PCDHGA11: variants seen among roughly 807,000 people sequenced by gnomAD.
PCDHGA11 encodes protocadherin gamma subfamily A, 11, also known as protocadherin gamma-A11.
A neutral mutation model predicts 60.4 loss-of-function variants in PCDHGA11; 39 were observed. That is an observed-to-expected ratio of 0.65 (90% CI 0.50 to 0.84). The LOEUF (loss-of-function observed/expected upper bound fraction) is 0.84. Ranked by LOEUF, PCDHGA11 falls within the 40% of genes least tolerant of loss-of-function variation. The pLI is 0.00. For synonymous variants in PCDHGA11, 533 were observed against 510.3 expected (o/e 1.04, Z -0.60); for missense variants, 1,165 against 1,197.7 (o/e 0.97, Z 0.40).
intron 1 of PCDHGA11, among the ~76,000 whole-genome samples, chr5:141,481,063 C>T (rs2154578481): frequency 6.6e-6 from 1 of 151,952 alleles, no homozygotes; most frequent in Middle Eastern, 3.4e-3. Context: ...ACCTCAAAAA[C>T]AAAAAGAAAG....
chr5:141,426,363 C>T (rs994657779), intron 1 of PCDHGA11: 12 of 202,404 alleles, frequency 5.9e-5, no homozygotes, highest in East Asian at 4.4e-4. Context: ...CTTTGTTCTG[C>T]GGGGCACCCT....
At chr5:141,433,560 G>A (rs1276743163) in intron 1 of PCDHGA11, among the ~76,000 whole-genome samples, 1 of 152,110 alleles carries the variant, frequency 6.6e-6, no homozygotes, top group East Asian at 1.9e-4. Flanking sequence ...TTCTGGCTGG[G>A]CGCGGTGGCT....
rs1191643556 is a variant in PCDHGA11, at chr5:141,486,302, C to T, written c.2434-8505C>T. The T allele has an allele frequency of 2.5e-6, 4 of 1,613,918 alleles. No individual in the cohort carries two copies. The highest frequency in any genetic ancestry group is 3.4e-6 in the Non-Finnish European group (4 of 1,180,002). Reference sequence around the variant, plus strand: ...GGTGGCACTTATCAGTGTGCAGGATCCAGACTCAGGGTCAAACGGAGATGT... The same window carrying T: ...GGTGGCACTTATCAGTGTGCAGGATTCAGACTCAGGGTCAAACGGAGATGT... On this transcript the variant is annotated intron_variant, in intron 1 of 3. Coordinates refer to ENST00000398587, the MANE Select transcript of PCDHGA11 (RefSeq NM_018914.3). This position sits in a 1 kb window ranked among gnomAD's most constrained non-coding sequence, Gnocchi z 5.0.
intron 1 of PCDHGA11, among the ~76,000 whole-genome samples, chr5:141,471,107 G>T (rs1023848236): frequency 1.3e-5 from 2 of 148,554 alleles, no homozygotes; most frequent in East Asian, 2.0e-4. Context: ...AGAGTGCAGT[G>T]GTGCGATCTT....
At chr5:141,455,558 G>A (rs1261373189) in intron 1 of PCDHGA11, among the ~76,000 whole-genome samples, 1 of 152,142 alleles carries the variant, frequency 6.6e-6, no homozygotes, top group East Asian at 1.9e-4. Flanking sequence ...CCGAGAAAAA[G>A]CTGGCCCTCC....
At chr5:141,441,920 A>G (rs1276085080) in intron 1 of PCDHGA11, 8 of 352,988 alleles carry the variant, frequency 2.3e-5, no homozygotes, top group East Asian at 8.9e-5. Context: ...GTGAGACACA[A>G]TGCGTGGCTG....
At chr5:141,484,801 A>G (rs1285617622) in intron 1 of PCDHGA11, among the ~76,000 whole-genome samples, 3 of 152,024 alleles carry the variant, frequency 2.0e-5, no homozygotes, top group African/African-American at 7.2e-5. Flanking sequence ...CAACCCGTGG[A>G]AAAACATGCC....
intron 1 of PCDHGA11, chr5:141,475,845 G>C: frequency 4.5e-6 from 2 of 448,002 alleles, no homozygotes; most frequent in Non-Finnish European, 7.9e-6. Context: ...TGCTCAGAGA[G>C]CCCGGCGCTA....
Position 141,422,952 on chromosome 5 carries a change from C to T in PCDHGA11, c.1725C>T (p.Gly575=), listed in dbSNP as rs759618535. 11 of 1,614,254 alleles carry T rather than the reference C, an allele frequency of 6.8e-6. No homozygotes were observed. The East Asian group carries it at 2.0e-4, about 29-fold the overall frequency. Residue 575 remains glycine, a synonymous_variant, in exon 1 of 4, where the codon GGC becomes GGT. Coordinates refer to ENST00000398587, the MANE Select transcript of PCDHGA11 (RefSeq NM_018914.3). ...YPALPTDGST[G]VELAPRSAEP... is the part of the protein sequence containing the mutation. ...CCCTCCCCACAGACGGCTCCACTGG[C>T]GTGGAGCTGGCGCCCCGCTCTGCGG...
Position 141,511,285 on chromosome 5 carries a change from G to C in PCDHGA11, c.*112G>C. On this transcript the variant is annotated 3_prime_UTR_variant, in exon 4 of 4. Coordinates refer to ENST00000398587, the MANE Select transcript of PCDHGA11 (RefSeq NM_018914.3). Reference sequence around the variant, plus strand: ...GGGCTAACCCCCAGAATACTGGTAGGGGCCAAGGCCATGCTCCCCTTGGGA... The same window carrying C: ...GGGCTAACCCCCAGAATACTGGTAGCGGCCAAGGCCATGCTCCCCTTGGGA... 1 of 1,521,904 alleles carries C rather than the reference G, an allele frequency of 6.6e-7. No homozygotes were observed. The highest frequency in any genetic ancestry group is 8.8e-7 in the Non-Finnish European group (1 of 1,131,664). 94.3% of individuals were successfully genotyped at this position (1,521,904 alleles called of 1,614,324 possible).
intron 1 of PCDHGA11, among the ~76,000 whole-genome samples, chr5:141,462,269 T>C (rs2099036247): frequency 6.6e-6 from 1 of 152,230 alleles, no homozygotes; most frequent in Admixed American, 6.5e-5. Context: ...CTAAAGTGTA[T>C]TGTTTAGTCA....
chr5:141,456,554 G>A (rs1003323522), intron 1 of PCDHGA11, among the ~76,000 whole-genome samples: 2 of 152,202 alleles, frequency 1.3e-5, no homozygotes, highest in Non-Finnish European at 2.9e-5. Flanking sequence ...GCCACTCGGG[G>A]CTGAAGCCCA....
rs1375469711 is a variant in PCDHGA11, at chr5:141,512,102, C to A, written c.*929C>A. On this transcript the variant is annotated 3_prime_UTR_variant, in exon 4 of 4. Coordinates refer to ENST00000398587, the MANE Select transcript of PCDHGA11 (RefSeq NM_018914.3). ...GCCATAAACCAATAACTAGGCTGGA[C>A]CCTTCCCACTACATAATAGGGCTCA... The A allele has an allele frequency of 6.5e-6, 1 of 152,688 alleles. No individual in the cohort carries two copies. Among genetic ancestry groups the A allele is most frequent in the Non-Finnish European group, 1.5e-5 (1 of 68,070 alleles). The allele number at this position is 152,688 out of a possible 1,614,324, so 9.5% of individuals were successfully genotyped here. A position where few individuals can be genotyped will look rare whatever the true frequency, so the allele number is the denominator to read the frequency against.
At chr5:141,456,404 G>A (rs935040352) in intron 1 of PCDHGA11, among the ~76,000 whole-genome samples, 4 of 152,104 alleles carry the variant, frequency 2.6e-5, no homozygotes, top group Non-Finnish European at 4.4e-5. Flanking sequence ...TTGCTTCTAG[G>A]CGAGAAGAAA....
intron 1 of PCDHGA11, among the ~76,000 whole-genome samples, chr5:141,439,391 G>A (rs880080): frequency 0.036 from 5,494 of 152,210 alleles, 123 homozygotes; most frequent in South Asian, 0.078. Context: ...TCATCACTTC[G>A]ACTTCATGTG....
chr5:141,490,822 C>T lies in PCDHGA11; in HGVS notation c.2434-3985C>T. ...GCGTACCTTTGACTATGAATTGCTG[C>T]AGATGCTGCAGATTGTGGTGGGGGT... On this transcript the variant is annotated intron_variant, in intron 1 of 3. Coordinates refer to ENST00000398587, the MANE Select transcript of PCDHGA11 (RefSeq NM_018914.3). This position sits in a 1 kb window ranked among gnomAD's most constrained non-coding sequence, Gnocchi z 5.4. 2 of 1,613,842 alleles carry T rather than the reference C, an allele frequency of 1.2e-6. No individual in the cohort carries two copies. Among genetic ancestry groups the T allele is most frequent in the Non-Finnish European group, 1.7e-6 (2 of 1,179,790 alleles).
At chr5:141,428,142 C>T in intron 1 of PCDHGA11, 1 of 1,594,260 alleles carries the variant, frequency 6.3e-7, no homozygotes, top group Non-Finnish European at 8.6e-7. Flanking sequence ...CCTGGGGCTG[C>T]ACACGGGAAC....
Position 141,485,731 on chromosome 5 carries a change from C to T in PCDHGA11, c.2434-9076C>T, listed in dbSNP as rs1440070106. The T allele has an allele frequency of 1.9e-6, 3 of 1,614,036 alleles. No individual in the cohort carries two copies. The highest frequency in any genetic ancestry group is 2.2e-5 in the South Asian group (2 of 91,080). On this transcript the variant is annotated intron_variant, in intron 1 of 3. Transcript: ENST00000398587. This position sits in a 1 kb window ranked among gnomAD's most constrained non-coding sequence, Gnocchi z 5.7. ...TTGCACTGGATGTGAAGAAGCGCAG[C>T]GACGGCAGCCTGGTCCCAGAGCTGC...
intron 1 of PCDHGA11, chr5:141,441,669 T>C: frequency 3.5e-6 from 1 of 287,870 alleles, no homozygotes; most frequent in Non-Finnish European, 6.8e-6. Context: ...GAGCGCACAG[T>C]GCGCCTTCGA....
Sources: gnomAD v4.1 joint callset for allele counts (sites outside exome capture counted in the v4.1 genomes callset) on GRCh38, gnomAD v4.1.1 for gene constraint, Gnocchi (gnomAD v3.1) non-coding constraint, MANE v1.5 for transcripts, NCBI Gene and HGNC (gene_info 2026-07-23, HGNC 2026-07-21) for gene names.